The following TEX15 variants were observed in gnomAD, a reference collection of about 807,000 sequenced individuals.
TEX15 encodes the protein testis-expressed protein 15.
In TEX15, 171 loss-of-function variants were observed where a neutral mutation model predicts 237.3. The ratio of observed to expected loss-of-function variants is 0.72; its 90% CI spans 0.64 to 0.82. TEX15 has a LOEUF of 0.82. Ranked by LOEUF, TEX15 falls within the 40% of genes least tolerant of loss-of-function variation. TEX15 has a pLI of 0.00. For synonymous variants in TEX15, 1,338 were observed against 1,269.8 expected (o/e 1.05, Z -1.14); for missense variants, 3,750 against 3,646.5 (o/e 1.03, Z -0.73).
At position 30,849,207 on chromosome 8, in the gene TEX15, T is replaced by C. The variant is rs1392658506; in HGVS notation, c.960A>G (p.Gln320=). The change falls in exon 8 of 11, where the codon CAA becomes CAG. Residue 320 remains glutamine, a synonymous_variant. Coordinates refer to ENST00000643185, the MANE Select transcript of TEX15 (RefSeq NM_001350162.2). ...TTAGTGCATTGCATAAACAGTTTTC[T>C]TGAACAAATGGATCTACAGGTTTCT... is the stretch of plus-strand genomic sequence containing the variant. ...HFKKPVDPFV[Q]ENCLCNALNS... The C allele has an allele frequency of 1.3e-6, 2 of 1,536,786 alleles. No individual in the cohort carries two copies.
chr8:30,848,447 T>G lies in TEX15; in HGVS notation c.1720A>C (p.Lys574Gln). The G allele has an allele frequency of 6.2e-7, 1 of 1,614,170 alleles. No individual in the cohort carries two copies. The highest frequency in any genetic ancestry group is 1.1e-5 in the South Asian group (1 of 91,076). ...AQQESGNAYT[K>Q]EYSSHIFQDS... The stretch of plus-strand genomic sequence containing the variant: ...TGAAAAATGTGACTACTGTACTCTT[T>G]TGTATAAGCATTACCGGACTCCTGT... The change falls in exon 8 of 11, where the codon AAA (lysine) becomes CAA (glutamine). Residue 574 changes from lysine (K) to glutamine (Q), a missense_variant. Coordinates refer to ENST00000643185, the MANE Select transcript of TEX15 (RefSeq NM_001350162.2).
chr8:30,847,970 C>A lies in TEX15; in HGVS notation c.2197G>T (p.Gly733Cys). 6.2e-7 allele frequency: 1 copy of A among 1,613,926 alleles called. No homozygotes were observed. Among genetic ancestry groups the A allele is most frequent in the Non-Finnish European group, 8.5e-7 (1 of 1,179,920 alleles). Reference sequence around the variant, plus strand: ...ATGGCTAAACTTGTATGAATGTTACCCTCATACTCCACAGAGTGCTGAGGA... The same window carrying A: ...ATGGCTAAACTTGTATGAATGTTACACTCATACTCCACAGAGTGCTGAGGA... ...KHPQHSVEYEGNIHTSLAIAQ... is the reference protein window; with the variant it reads ...KHPQHSVEYECNIHTSLAIAQ... Residue 733 changes from glycine to cysteine, a missense_variant, in exon 8 of 11, where the codon GGT (glycine) becomes TGT (cysteine). Gly to Cys is a radical substitution (Grantham distance 159, BLOSUM62 -3). Transcript: ENST00000643185.
At chr8:30,880,061 C>A (rs1808485852) in intron 3 of TEX15, among the ~76,000 whole-genome samples, 1 of 151,962 alleles carries the variant, frequency 6.6e-6, no homozygotes, top group Non-Finnish European at 1.5e-5. Context: ...TGGAATCTTG[C>A]TCTGTCACCC....
rs975295650 is a variant in TEX15 at position 30,867,414 on chromosome 8, T to C, written c.391A>G (p.Ile131Val). The C allele has an allele frequency of 6.1e-5, 93 of 1,534,016 alleles. No individual in the cohort carries two copies. The highest frequency in any genetic ancestry group is 7.5e-5 in the Non-Finnish European group (86 of 1,145,392). The part of the protein sequence containing the change: ...LALPQSDVAQ[I>V]YQNGISTRAS... ...CTGGTACTTATTCCATTCTGATATA[T>C]CTGGGCTACATCACTCTGGGGAAGT... is the stretch of plus-strand genomic sequence containing the variant. The change falls in exon 5 of 11, where the codon ATA becomes GTA. Residue 131 changes from isoleucine to valine, a missense_variant. Physicochemically the swap from Ile to Val is conservative, Grantham distance 29 (BLOSUM62 3). Coordinates refer to ENST00000643185, the MANE Select transcript of TEX15 (RefSeq NM_001350162.2).
chr8:30,865,994 G>C (rs1283714061), intron 5 of TEX15, among the ~76,000 whole-genome samples: 2 of 152,042 alleles, frequency 1.3e-5, no homozygotes, highest in African/African-American at 4.8e-5. Flanking sequence ...AAAGGAAGAA[G>C]TCAAATTATC....
chr8:30,862,211 T>C (rs1808065845), intron 5 of TEX15, among the ~76,000 whole-genome samples: 1 of 152,158 alleles, frequency 6.6e-6, no homozygotes, highest in African/African-American at 2.4e-5. Context: ...AAAATGTACC[T>C]AAAAGGATAA....
intron 1 of TEX15, among the ~76,000 whole-genome samples, chr8:30,911,190 G>A (rs1315571892): frequency 6.6e-6 from 1 of 152,166 alleles, no homozygotes; most frequent in Non-Finnish European, 1.5e-5. Flanking sequence ...TGCAATCTCA[G>A]CTCACTGCAG....
chr8:30,838,103 T>G lies in TEX15; in HGVS notation c.8223-42A>C, dbSNP rs751099794. On this transcript the variant is annotated intron_variant, in intron 9 of 10. Coordinates refer to ENST00000643185, the MANE Select transcript of TEX15 (RefSeq NM_001350162.2). Reference sequence around the variant, plus strand: ...ATACATAAAAATGAATTTAAATATATAGGGTCATAAAATTTTAATGGAAAT... The same window carrying G: ...ATACATAAAAATGAATTTAAATATAGAGGGTCATAAAATTTTAATGGAAAT... 2.4e-5 allele frequency: 36 copies of G among 1,479,134 alleles called. No homozygotes were observed. In the African/African-American group the frequency reaches 5.0e-4, roughly 20 times the overall value. 91.6% of individuals were successfully genotyped at this position (1,479,134 alleles called of 1,614,324 possible).
intron 3 of TEX15, among the ~76,000 whole-genome samples, chr8:30,884,526 T>C (rs559309701): frequency 4.9e-4 from 74 of 152,244 alleles, no homozygotes; most frequent in Non-Finnish European, 8.4e-4. Flanking sequence ...GATTTAGGCC[T>C]ATTCAGATCA....
intron 1 of TEX15, among the ~76,000 whole-genome samples, chr8:30,902,250 T>C (rs1809023683): frequency 6.6e-6 from 1 of 151,114 alleles, no homozygotes; most frequent in Admixed American, 6.6e-5. Context: ...CCTTAATGTA[T>C]CAGGAATCTC....
intron 3 of TEX15, among the ~76,000 whole-genome samples, chr8:30,875,982 T>C (rs1299557267): frequency 2.6e-5 from 4 of 151,998 alleles, no homozygotes. Context: ...CCAGCTAGCT[T>C]TTCTTTTATT....
chr8:30,891,303 C>T (rs1038916018), intron 2 of TEX15, among the ~76,000 whole-genome samples: 2 of 152,154 alleles, frequency 1.3e-5, no homozygotes, highest in Non-Finnish European at 2.9e-5. Flanking sequence ...ATTACAGGCA[C>T]ATGCCAACCA....
Position 30,852,167 on chromosome 8 carries a change from C to T in TEX15, c.851-2851G>A, listed in dbSNP as rs566718652. On this transcript the variant is annotated intron_variant, in intron 7 of 10. Coordinates refer to ENST00000643185, the MANE Select transcript of TEX15 (RefSeq NM_001350162.2). ...TCGCCCAGGCTGGAGTGCAGTGGCA[C>T]GATCTCGGCTCACTACAAACTCCGC... 7.4e-4 allele frequency among the ~76,000 whole-genome samples: 96 copies of T among 129,262 alleles called. 2 individuals carry two copies. The South Asian group carries it at 8.5e-3, about 11-fold the overall frequency. The allele number at this position is 129,262 out of a possible 152,430, so 84.8% of individuals were successfully genotyped here.
chr8:30,860,172 C>T, intron 5 of TEX15, 115 bp from the exon 6 acceptor site: 1 of 945,376 alleles, frequency 1.1e-6, no homozygotes, highest in South Asian at 2.0e-5. Flanking sequence ...GACAGGGTCT[C>T]ACTCTGTTCA....
intron 1 of TEX15, among the ~76,000 whole-genome samples, chr8:30,910,610 C>CA (rs1266195096): frequency 7.1e-5 from 7 of 97,910 alleles, no homozygotes; most frequent in Non-Finnish European, 1.2e-4. Context: ...CACGCCTGGC[C>CA]TTTTTTTTTT....
In TEX15 at chr8:30,867,491, C is replaced by A; in HGVS notation, c.314G>T (p.Arg105Leu). The A allele has an allele frequency of 6.5e-7, 1 of 1,531,290 alleles. No homozygotes were observed. The highest frequency in any genetic ancestry group is 8.7e-7 in the Non-Finnish European group (1 of 1,143,090). The allele number at this position is 1,531,290 out of a possible 1,614,324, so 94.9% of individuals were successfully genotyped here. The change falls in exon 5 of 11, where the codon CGT becomes CTT. Residue 105 changes from arginine (R) to leucine (L), a missense_variant. Coordinates refer to ENST00000643185, the MANE Select transcript of TEX15 (RefSeq NM_001350162.2). ...TTCCCTGCAATGTCTTCCACTTTCA[C>A]GCATCTCTGACCTAAAGTAAAACAA... ...KNFTAKRSEM[R>L]ESGRHCRELE...
Position 30,836,824 on chromosome 8 carries a change from G to A in TEX15, c.9460C>T (p.Pro3154Ser). Residue 3154 changes from proline to serine, a missense_variant, in exon 10 of 11, where the codon CCA becomes TCA. Coordinates refer to ENST00000643185, the MANE Select transcript of TEX15 (RefSeq NM_001350162.2). ...TCACCATAAACCCAAGGAACTTCTG[G>A]AGGCACAAATCGATTAGGAAGGTAA... ...YPYLPNRFVP[P>S]EVPWVYAPWH... The A allele has an allele frequency of 6.2e-7, 1 of 1,607,136 alleles. No homozygotes were observed. The highest frequency in any genetic ancestry group is 8.5e-7 in the Non-Finnish European group (1 of 1,176,982).
At position 30,844,688 on chromosome 8, in the gene TEX15, C is replaced by T. The variant is rs1217544287; in HGVS notation, c.5479G>A (p.Gly1827Ser). 1.2e-6 allele frequency: 2 copies of T among 1,613,080 alleles called. No individual in the cohort carries two copies. The highest frequency in any genetic ancestry group is 1.6e-4 in the Middle Eastern group (1 of 6,082). The change falls in exon 8 of 11, where the codon GGC becomes AGC. Residue 1827 changes from glycine (G) to serine (S), a missense_variant. Transcript: ENST00000643185. ...SSLLLKDNVK[G>S]SSSETCIVKK... ...ACAATACATGTTTCTGAAGAGGAGCCTTTTACATTATCTTTTAAAAGCAGA... is the reference window on the plus strand; with the variant it reads ...ACAATACATGTTTCTGAAGAGGAGCTTTTTACATTATCTTTTAAAAGCAGA...
intron 1 of TEX15, among the ~76,000 whole-genome samples, chr8:30,911,524 A>G (rs1042201553): frequency 6.6e-6 from 1 of 152,230 alleles, no homozygotes; most frequent in Non-Finnish European, 1.5e-5. Context: ...AAAATAAAAA[A>G]AGCGAATAAT....
Sources: gnomAD v4.1 joint callset for allele counts (sites outside exome capture counted in the v4.1 genomes callset) on GRCh38, gnomAD v4.1.1 for gene constraint, MANE v1.5 for transcripts, NCBI Gene and HGNC (gene_info 2026-07-23, HGNC 2026-07-21) for gene names.